Variants in FTCDNL1 observed in about 807,000 individuals in gnomAD.
FTCDNL1 encodes the protein formiminotransferase cyclodeaminase N-terminal like.
A neutral mutation model predicts 5.9 loss-of-function variants in FTCDNL1; 11 were observed. The observed-to-expected ratio is 1.87, with a 90% CI of 1.18 to 3.10. The LOEUF (loss-of-function observed/expected upper bound fraction) is 3.10. Ranked by LOEUF, FTCDNL1 falls within the 30% of genes most tolerant of loss-of-function variation. The probability of loss-of-function intolerance (pLI) is 0.00; values close to 1 mark genes in which losing one functional copy is unlikely to be tolerated. For missense variants in FTCDNL1, 115 were observed against 65.5 expected, an observed-to-expected ratio of 1.76 and a Z score of -2.61; for synonymous variants, 58 against 24.8, an observed-to-expected ratio of 2.34 and a Z score of -3.99.
intron 2 of FTCDNL1, among the ~76,000 whole-genome samples, chr2:199,847,513 T>C (rs2076763248): frequency 6.6e-6 from 1 of 152,186 alleles, no homozygotes; most frequent in Admixed American, 6.5e-5. Flanking sequence ...GCTGAAAGAA[T>C]AAAACACTCT....
chr2:199,734,527 G>A, the FTCDNL1 span, among the ~76,000 whole-genome samples: 1 of 152,212 alleles, frequency 6.6e-6, no homozygotes, highest in South Asian at 2.1e-4. Context: ...TTCCTTTAGA[G>A]TCAATAAGTT....
chr2:199,777,156 A>AGTG (rs774898333), intron 3 of FTCDNL1, among the ~76,000 whole-genome samples: 1 of 151,978 alleles, frequency 6.6e-6, no homozygotes, highest in Non-Finnish European at 1.5e-5. Flanking sequence ...AGCCAGGTGC[A>AGTG]GTGGCATGCA....
chr2:199,733,825 T>A, the FTCDNL1 span, among the ~76,000 whole-genome samples: 1 of 152,232 alleles, frequency 6.6e-6, no homozygotes, highest in African/African-American at 2.4e-5. Context: ...AAATTTAACA[T>A]TTTATGTTTA....
intron 3 of FTCDNL1, among the ~76,000 whole-genome samples, chr2:199,833,279 C>G (rs1317543096): frequency 6.6e-6 from 1 of 152,156 alleles, no homozygotes; most frequent in Non-Finnish European, 1.5e-5. Context: ...GTTTCAAATT[C>G]TTATCCTGCC....
the FTCDNL1 span, among the ~76,000 whole-genome samples, chr2:199,735,021 C>A: frequency 2.0e-5 from 3 of 148,722 alleles, no homozygotes; most frequent in African/African-American, 7.5e-5. Flanking sequence ...CAGGTACTAA[C>A]CACAAAGGTG....
At chr2:199,690,856 G>A in the FTCDNL1 span, among the ~76,000 whole-genome samples, 1 of 152,120 alleles carries the variant, frequency 6.6e-6, no homozygotes, top group South Asian at 2.1e-4. Flanking sequence ...TATGCTTCAG[G>A]TTCATAGACC....
At chr2:199,710,382 A>G in the FTCDNL1 span, among the ~76,000 whole-genome samples, 1 of 152,258 alleles carries the variant, frequency 6.6e-6, no homozygotes, top group South Asian at 2.1e-4. Flanking sequence ...TGAATCAACA[A>G]TATATGTTAA....
chr2:199,796,523 CTATT>C (rs1413412485), intron 3 of FTCDNL1, among the ~76,000 whole-genome samples: 1 of 152,118 alleles, frequency 6.6e-6, no homozygotes, highest in Non-Finnish European at 1.5e-5. Context: ...AATTAAGAGA[CTATT>C]GACCTTTCAG....
At chr2:199,712,295 T>C in the FTCDNL1 span, among the ~76,000 whole-genome samples, 1 of 152,198 alleles carries the variant, frequency 6.6e-6, no homozygotes, top group Non-Finnish European at 1.5e-5. Flanking sequence ...GCTGCTAACT[T>C]GCTCCTGCTG....
intron 3 of FTCDNL1, among the ~76,000 whole-genome samples, chr2:199,829,650 G>T (rs561229040): frequency 1.1e-4 from 16 of 152,308 alleles, no homozygotes; most frequent in African/African-American, 3.1e-4. Flanking sequence ...AAATGTATCT[G>T]TCTACAGTGG....
the FTCDNL1 span, among the ~76,000 whole-genome samples, chr2:199,732,181 T>C: frequency 6.6e-6 from 1 of 152,192 alleles, no homozygotes; most frequent in Non-Finnish European, 1.5e-5. Flanking sequence ...TCCTAGACCT[T>C]CTTTTCTACT....
chr2:199,729,296 T>C, the FTCDNL1 span, among the ~76,000 whole-genome samples: 1 of 152,098 alleles, frequency 6.6e-6, no homozygotes, highest in Non-Finnish European at 1.5e-5. Flanking sequence ...AAACTTCCAA[T>C]AAGGATGCCC....
At chr2:199,688,206 G>C in the FTCDNL1 span, among the ~76,000 whole-genome samples, 1 of 140,346 alleles carries the variant, frequency 7.1e-6, no homozygotes, top group Non-Finnish European at 1.5e-5. Flanking sequence ...ACTCCAGCCT[G>C]GATGACAGAG....
chr2:199,836,230 T>C (rs1178777222), intron 3 of FTCDNL1, among the ~76,000 whole-genome samples: 1 of 152,118 alleles, frequency 6.6e-6, no homozygotes, highest in African/African-American at 2.4e-5. Flanking sequence ...AAGTAGCACA[T>C]CATGGCTCAC....
intron 3 of FTCDNL1, among the ~76,000 whole-genome samples, chr2:199,801,924 C>T (rs1215829158): frequency 2.1e-5 from 3 of 144,954 alleles, no homozygotes; most frequent in South Asian, 4.3e-4. Context: ...GGCGACAGAG[C>T]GAGACTCCAT....
At chr2:199,823,092 C>T (rs908356718) in intron 3 of FTCDNL1, among the ~76,000 whole-genome samples, 1 of 152,160 alleles carries the variant, frequency 6.6e-6, no homozygotes, top group Non-Finnish European at 1.5e-5. Context: ...TCAAGTGATC[C>T]GCCAGCTGCA....
intron 3 of FTCDNL1, among the ~76,000 whole-genome samples, chr2:199,794,337 C>A (rs1471152418): frequency 6.6e-6 from 1 of 152,160 alleles, no homozygotes; most frequent in African/African-American, 2.4e-5. Flanking sequence ...GTGGCCAAAG[C>A]AAATATTTCT....
chr2:199,782,810 T>C (rs35733345), intron 3 of FTCDNL1, among the ~76,000 whole-genome samples: 17,811 of 152,266 alleles, frequency 0.12, 1,401 homozygotes, highest in Non-Finnish European at 0.16. Flanking sequence ...CTGTATACTA[T>C]AGTCATTCAC....
the FTCDNL1 span, among the ~76,000 whole-genome samples, chr2:199,691,004 T>C: frequency 6.6e-6 from 1 of 152,148 alleles, no homozygotes; most frequent in Non-Finnish European, 1.5e-5. Flanking sequence ...ATGACCCACA[T>C]ATACAAACAT....
Sources: allele counts gnomAD v4.1 joint callset (sites outside exome capture counted in the v4.1 genomes callset), GRCh38; gene constraint gnomAD v4.1.1; transcripts MANE v1.5; gene names NCBI Gene and HGNC (gene_info 2026-07-23, HGNC 2026-07-21).